The following ADK variants were observed in gnomAD, a reference collection of about 807,000 sequenced individuals.
The protein encoded by ADK is adenosine kinase, also known as N6,N6-dimethyladenosine kinase.
A neutral mutation model predicts 44.7 loss-of-function variants in ADK; 24 were observed. The observed-to-expected ratio is 0.54, with a 90% CI of 0.39 to 0.76. The LOEUF is 0.76. ADK is among the 30% of genes least tolerant of loss of function. The pLI is 0.00. For synonymous variants in ADK, 128 were observed against 142.6 expected, an observed-to-expected ratio of 0.90 and a Z score of 0.73; for missense variants, 321 against 425.1, an observed-to-expected ratio of 0.76 and a Z score of 2.15.
chr10:74,289,597 A>G (rs1449999399), intron 3 of ADK, among the ~76,000 whole-genome samples: 2 of 152,180 alleles, frequency 1.3e-5, no homozygotes, highest in Non-Finnish European at 2.9e-5. Flanking sequence ...ACCAAAATGA[A>G]AAATATAGAG....
At chr10:74,607,900 T>A (rs1427777028) in intron 9 of ADK, among the ~76,000 whole-genome samples, 1 of 151,992 alleles carries the variant, frequency 6.6e-6, no homozygotes, top group Non-Finnish European at 1.5e-5. Flanking sequence ...TTTCATATAG[T>A]CCCATATTTC....
At chr10:74,322,756 A>T (rs1315568813) in intron 4 of ADK, among the ~76,000 whole-genome samples, 1 of 122,140 alleles carries the variant, frequency 8.2e-6, no homozygotes, top group African/African-American at 3.2e-5. Context: ...TCTTCCCTTT[A>T]CCCCTCCTCT....
intron 6 of ADK, among the ~76,000 whole-genome samples, chr10:74,431,019 A>G (rs528656023): frequency 7.3e-6 from 1 of 137,284 alleles, no homozygotes; most frequent in South Asian, 2.4e-4. Context: ...GTGAGCCGAG[A>G]TCCCGCCACT....
intron 4 of ADK, among the ~76,000 whole-genome samples, chr10:74,369,346 A>T (rs1173166272): frequency 6.6e-6 from 1 of 152,222 alleles, no homozygotes; most frequent in Non-Finnish European, 1.5e-5. Flanking sequence ...ACAGAGCAGT[A>T]CCACAAAAAG....
intron 4 of ADK, among the ~76,000 whole-genome samples, chr10:74,342,977 CCCTT>C (rs2131879960): frequency 6.6e-6 from 1 of 152,122 alleles, no homozygotes; most frequent in East Asian, 1.9e-4. Flanking sequence ...ACTATTTTCC[CCCTT>C]CCTTAATTGC....
intron 6 of ADK, among the ~76,000 whole-genome samples, chr10:74,480,039 G>T (rs1056173671): frequency 7.2e-5 from 11 of 152,082 alleles, no homozygotes; most frequent in African/African-American, 2.7e-4. Context: ...CTCAGGAAAG[G>T]CGTATGTGTA....
chr10:74,290,561 T>C (rs781130630), intron 3 of ADK, among the ~76,000 whole-genome samples: 45 of 152,186 alleles, frequency 3.0e-4, no homozygotes, highest in Middle Eastern at 3.4e-3. Context: ...TCTAGTAAGA[T>C]GTTAAATGCT....
intron 3 of ADK, among the ~76,000 whole-genome samples, chr10:74,305,375 CATA>C: frequency 6.6e-6 from 1 of 152,190 alleles, no homozygotes. Context: ...TATAGGAAAT[CATA>C]TATTGATATC....
intron 7 of ADK, among the ~76,000 whole-genome samples, chr10:74,575,046 T>C (rs1264882362): frequency 6.6e-6 from 1 of 152,142 alleles, no homozygotes; most frequent in Non-Finnish European, 1.5e-5. Flanking sequence ...TAGAAGAATA[T>C]TCAGACCACT....
At chr10:74,651,489 T>C (rs940840874) in intron 9 of ADK, among the ~76,000 whole-genome samples, 1 of 152,180 alleles carries the variant, frequency 6.6e-6, no homozygotes, top group Non-Finnish European at 1.5e-5. Context: ...TGCAGCTACA[T>C]TTTTGAACTG....
At chr10:74,659,836 T>TGATTA (rs1854632730) in intron 9 of ADK, among the ~76,000 whole-genome samples, 1 of 152,182 alleles carries the variant, frequency 6.6e-6, no homozygotes, top group Non-Finnish European at 1.5e-5. Context: ...CTCTGGCAGC[T>TGATTA]GATTAGATGG....
intron 8 of ADK, among the ~76,000 whole-genome samples, chr10:74,595,682 CAG>C (rs758877214): frequency 1 from 127,150 of 127,168 alleles, 63,566 homozygotes; most frequent in Middle Eastern, 1. Context: ...ATCGCCATAT[CAG>C]TTCAACAGAT....
At chr10:74,256,627 C>T (rs1845834466) in intron 3 of ADK, among the ~76,000 whole-genome samples, 4 of 152,124 alleles carry the variant, frequency 2.6e-5, no homozygotes, top group Admixed American at 2.0e-4. Context: ...TTTCCATTTA[C>T]CATGATAACT....
chr10:74,239,715 CAAAAAAAA>C (rs61022417), intron 3 of ADK, among the ~76,000 whole-genome samples: 2,981 of 85,116 alleles, frequency 0.035, 51 homozygotes, highest in African/African-American at 0.046. Flanking sequence ...GACCTTGTCT[CAAAAAAAA>C]AAAAAAAAAA....
chr10:74,391,500 A>T (rs1843327049), intron 4 of ADK, among the ~76,000 whole-genome samples: 1 of 151,944 alleles, frequency 6.6e-6, no homozygotes, highest in South Asian at 2.1e-4. Flanking sequence ...CAAACACAAA[A>T]TTATATATAC....
At chr10:74,703,186 T>C (rs772989212) in intron 10 of ADK, among the ~76,000 whole-genome samples, 4 of 152,058 alleles carry the variant, frequency 2.6e-5, no homozygotes, top group Admixed American at 1.3e-4. Flanking sequence ...AATAAATAAG[T>C]AATGGGATAA....
At chr10:74,170,176 T>G (rs910647735) in intron 1 of ADK, among the ~76,000 whole-genome samples, 1 of 152,130 alleles carries the variant, frequency 6.6e-6, no homozygotes, top group Non-Finnish European at 1.5e-5. Context: ...GGGAAAACAT[T>G]CCACATTCAT....
chr10:74,697,794 A>G lies in ADK; in HGVS notation c.965-10527A>G, dbSNP rs137949752. ...AGCTCTTCTATAGTAACTACATGGA[A>G]TAGACAGCTTAAGTTAGGAAATTAC... On this transcript the variant is annotated intron_variant, in intron 10 of 10. Transcript: ENST00000539909. Among the ~76,000 whole-genome samples the G allele has an allele frequency of 2.9e-3, 435 of 152,326 alleles. 1 individual carries two copies. The highest frequency in any genetic ancestry group is 5.4e-3 in the Non-Finnish European group (369 of 68,020).
chr10:74,625,617 T>C (rs940145681), intron 9 of ADK, among the ~76,000 whole-genome samples: 7 of 152,102 alleles, frequency 4.6e-5, no homozygotes, highest in Non-Finnish European at 5.9e-5. Context: ...AATTAAATGC[T>C]AAAGAATAAA....
Sources: allele counts gnomAD v4.1 joint callset (sites outside exome capture counted in the v4.1 genomes callset), GRCh38; gene constraint gnomAD v4.1.1; transcripts MANE v1.5; gene names NCBI Gene and HGNC (gene_info 2026-07-23, HGNC 2026-07-21).